Variants in RMST observed in about 807,000 individuals in gnomAD.
RMST encodes the protein long intergenic non-protein coding RNA 54.
Position 97,469,928 on chromosome 12 carries a change from C to G in RMST, n.644+4201C>G, listed in dbSNP as rs192358765. Among the ~76,000 whole-genome samples, 628 of 152,202 alleles carry G rather than the reference C, an allele frequency of 4.1e-3. 3 individuals are homozygous for G. The highest frequency in any genetic ancestry group is 7.4e-3 in the Non-Finnish European group (500 of 67,992). On this transcript the variant is annotated intron_variant and non_coding_transcript_variant, in intron 5 of 13. Coordinates refer to ENST00000640149, the Ensembl canonical transcript of RMST. ...ATGTCAAACCTTTTTAGATCTCATA[C>G]CATTTGGCTTCAGTCCTTCTTTCCA...
At chr12:97,505,931 GA>G (rs1173661139) in intron 10 of RMST, among the ~76,000 whole-genome samples, 5 of 152,292 alleles carry the variant, frequency 3.3e-5, no homozygotes, top group African/African-American at 1.2e-4. Flanking sequence ...ACATTGCCAA[GA>G]GGATGAATAT....
At chr12:97,548,774 A>G (rs1883116797) in intron 11 of RMST, among the ~76,000 whole-genome samples, 1 of 152,138 alleles carries the variant, frequency 6.6e-6, no homozygotes, top group African/African-American at 2.4e-5. Flanking sequence ...GTTTTCTATA[A>G]ATAAGATCAT....
chr12:97,491,346 C>G (rs1357418716), intron 5 of RMST, among the ~76,000 whole-genome samples: 2 of 151,710 alleles, frequency 1.3e-5, no homozygotes, highest in Admixed American at 6.6e-5. Flanking sequence ...TTCTGCTAAA[C>G]CACTTTTTAT....
chr12:97,544,021 C>T (rs1882749664), intron 11 of RMST, among the ~76,000 whole-genome samples: 1 of 151,994 alleles, frequency 6.6e-6, no homozygotes, highest in African/African-American at 2.4e-5. Context: ...ATTCACTTTT[C>T]CTATTTTGTA....
intron 10 of RMST, among the ~76,000 whole-genome samples, chr12:97,512,185 T>C (rs534242088): frequency 3.9e-5 from 6 of 152,010 alleles, no homozygotes; most frequent in Non-Finnish European, 7.4e-5. Flanking sequence ...CAGCGAGTGT[T>C]ACAGCTCTTA....
chr12:97,506,497 T>C (rs1378394951), intron 10 of RMST, among the ~76,000 whole-genome samples: 1 of 152,200 alleles, frequency 6.6e-6, no homozygotes, highest in Non-Finnish European at 1.5e-5. Flanking sequence ...ATAAATTATC[T>C]GTCTTTTAGG....
intron 11 of RMST, among the ~76,000 whole-genome samples, chr12:97,555,136 C>A (rs995925111): frequency 2.6e-5 from 4 of 152,142 alleles, no homozygotes; most frequent in African/African-American, 9.7e-5. Flanking sequence ...ATGTCCCCCC[C>A]AAAAGACCTG....
intron 11 of RMST, among the ~76,000 whole-genome samples, chr12:97,542,315 A>G (rs1459235862): frequency 6.6e-6 from 1 of 152,006 alleles, no homozygotes; most frequent in South Asian, 2.1e-4. Flanking sequence ...CACTCAAGGG[A>G]TATACAAGTA....
At chr12:97,555,356 C>T (rs749989350) in intron 11 of RMST, among the ~76,000 whole-genome samples, 6 of 151,996 alleles carry the variant, frequency 3.9e-5, no homozygotes, top group Admixed American at 1.3e-4. Flanking sequence ...ATGGAAATGC[C>T]GACAGTAAAT....
At chr12:97,539,814 A>G (rs188575060) in intron 11 of RMST, among the ~76,000 whole-genome samples, 1,601 of 151,640 alleles carry the variant, frequency 0.011, 15 homozygotes, top group Non-Finnish European at 0.014. Context: ...AAATCACCCA[A>G]CCTCAGTGTG....
chr12:97,552,815 C>T (rs1185055479), intron 11 of RMST, among the ~76,000 whole-genome samples: 1 of 152,182 alleles, frequency 6.6e-6, no homozygotes, highest in Non-Finnish European at 1.5e-5. Context: ...TTTAGTGCCT[C>T]TCGAGTTACA....
intron 11 of RMST, among the ~76,000 whole-genome samples, chr12:97,549,670 A>G (rs527252037): frequency 6.6e-6 from 1 of 152,308 alleles, no homozygotes; most frequent in African/African-American, 2.4e-5. Context: ...CACAAACTCA[A>G]TGAGGCAGCA....
chr12:97,490,859 T>C (rs1484922090), intron 5 of RMST, among the ~76,000 whole-genome samples: 2 of 152,212 alleles, frequency 1.3e-5, no homozygotes, highest in Non-Finnish European at 2.9e-5. Context: ...GGGGATTTGA[T>C]GTATAAATTG....
At chr12:97,505,799 G>A (rs1592698194) in intron 10 of RMST, among the ~76,000 whole-genome samples, 1 of 152,138 alleles carries the variant, frequency 6.6e-6, no homozygotes, top group South Asian at 2.1e-4. Context: ...ATGAATTTAA[G>A]ATGTCTACTT....
chr12:97,548,978 A>G (rs978248206), intron 11 of RMST, among the ~76,000 whole-genome samples: 1 of 152,186 alleles, frequency 6.6e-6, no homozygotes, highest in African/African-American at 2.4e-5. Context: ...AACATACACT[A>G]AGATCTGACA....
At chr12:97,512,924 C>G (rs1426853879) in intron 10 of RMST, among the ~76,000 whole-genome samples, 4 of 152,188 alleles carry the variant, frequency 2.6e-5, no homozygotes, top group Admixed American at 6.5e-5. Context: ...GTCGGGAGCC[C>G]TGCCCAGCGG....
chr12:97,545,607 A>T (rs1172515143), intron 11 of RMST, among the ~76,000 whole-genome samples: 1 of 152,088 alleles, frequency 6.6e-6, no homozygotes, highest in East Asian at 1.9e-4. Context: ...AAGCACTCTC[A>T]GTTTTTGGCT....
At chr12:97,563,898 A>G (rs777826602) in intron 13 of RMST, 9 of 509,448 alleles carry the variant, frequency 1.8e-5, no homozygotes, top group Non-Finnish European at 3.3e-5. Context: ...CATGAAATAC[A>G]TTGTGAAAAA....
At chr12:97,548,879 CAATTG>C (rs1204150147) in intron 11 of RMST, among the ~76,000 whole-genome samples, 1 of 151,970 alleles carries the variant, frequency 6.6e-6, no homozygotes, top group African/African-American at 2.4e-5. Flanking sequence ...AAAAGTCTAG[CAATTG>C]AATTTTTAAA....
Sources: gnomAD v4.1 joint callset for allele counts (sites outside exome capture counted in the v4.1 genomes callset) on GRCh38, gnomAD v4.1.1 for gene constraint, MANE v1.5 for transcripts, NCBI Gene and HGNC (gene_info 2026-07-23, HGNC 2026-07-21) for gene names.